The following RYR2 variants were observed in gnomAD, a reference collection of about 807,000 sequenced individuals.
The protein encoded by RYR2 is cardiac muscle ryanodine receptor-calcium release channel.
RYR2 carries 227 observed loss-of-function variants against 601.1 expected under a neutral mutation model. The observed-to-expected ratio is 0.38, with a 90% CI of 0.34 to 0.42. RYR2 has a LOEUF of 0.42. Ranked by LOEUF, RYR2 falls within the 10% of genes least tolerant of loss-of-function variation. The pLI, the probability that RYR2 is intolerant of heterozygous loss-of-function variation, is 1.00. For synonymous variants in RYR2, 2,223 were observed against 2,175.1 expected (o/e 1.02, Z -0.61); for missense variants, 4,646 against 6,156.5 (o/e 0.75, Z 8.21).
At chr1:237,284,474 A>G (rs1691252033) in intron 2 of RYR2, among the ~76,000 whole-genome samples, 1 of 112,720 alleles carries the variant, frequency 8.9e-6, no homozygotes, top group African/African-American at 4.8e-5. Context: ...TCCACTATAT[A>G]TACATATATA....
At chr1:237,413,258 T>A (rs546053550) in intron 10 of RYR2, among the ~76,000 whole-genome samples, 1 of 152,184 alleles carries the variant, frequency 6.6e-6, no homozygotes, top group South Asian at 2.1e-4. Context: ...ATGAAACTTT[T>A]AAAAAAATAT....
chr1:237,053,420 C>G (rs1291091842), intron 1 of RYR2, among the ~76,000 whole-genome samples: 1 of 152,162 alleles, frequency 6.6e-6, no homozygotes, highest in African/African-American at 2.4e-5. Flanking sequence ...CCATCATCTC[C>G]TGAAGATGGG....
intron 14 of RYR2, among the ~76,000 whole-genome samples, chr1:237,449,073 A>G (rs1484423930): frequency 6.6e-6 from 1 of 152,170 alleles, no homozygotes; most frequent in Non-Finnish European, 1.5e-5. Flanking sequence ...ACACGCCACC[A>G]CCATCACCAC....
At chr1:237,730,563 AGG>A (rs1164070361) in intron 77 of RYR2, among the ~76,000 whole-genome samples, 1 of 152,148 alleles carries the variant, frequency 6.6e-6, no homozygotes, top group Non-Finnish European at 1.5e-5. Flanking sequence ...ATCAACATCA[AGG>A]GGTTGAGAAT....
intron 27 of RYR2, among the ~76,000 whole-genome samples, chr1:237,562,781 G>A (rs74147445): frequency 0.029 from 4,387 of 151,926 alleles, 216 homozygotes; most frequent in African/African-American, 0.1. Context: ...GTTTAAAATC[G>A]AGCAAAGCAT....
At chr1:237,216,461 G>C (rs527813738) in intron 1 of RYR2, among the ~76,000 whole-genome samples, 1 of 152,258 alleles carries the variant, frequency 6.6e-6, no homozygotes, top group South Asian at 2.1e-4. Context: ...ATATGGGCTA[G>C]GAGCGGTGGC....
chr1:237,237,489 C>T (rs1040561592), intron 1 of RYR2, among the ~76,000 whole-genome samples: 2 of 152,148 alleles, frequency 1.3e-5, no homozygotes, highest in African/African-American at 4.8e-5. Flanking sequence ...CACTCTCCTC[C>T]CTTTGGAATT....
At chr1:237,524,115 C>A (rs1667349622) in intron 24 of RYR2, among the ~76,000 whole-genome samples, 1 of 152,182 alleles carries the variant, frequency 6.6e-6, no homozygotes, top group Non-Finnish European at 1.5e-5. Flanking sequence ...CGTAAATGTT[C>A]ACAGAAGCAT....
chr1:237,608,796 G>GT (rs33945891), intron 35 of RYR2, among the ~76,000 whole-genome samples: 45,298 of 118,354 alleles, frequency 0.38, 8,994 homozygotes, highest in South Asian at 0.54. Flanking sequence ...AGACTGACCT[G>GT]TTTTTTTTTT....
chr1:237,758,327 G>A (rs1693124589), intron 82 of RYR2, among the ~76,000 whole-genome samples: 1 of 151,974 alleles, frequency 6.6e-6, no homozygotes, highest in Non-Finnish European at 1.5e-5. Flanking sequence ...GAACTTGTCT[G>A]TTTTCTTTAT....
chr1:237,811,165 C>G (rs890993946), intron 100 of RYR2, among the ~76,000 whole-genome samples: 5 of 152,094 alleles, frequency 3.3e-5, no homozygotes, highest in African/African-American at 1.2e-4. Flanking sequence ...TTCAGTTATT[C>G]CCACAATTAG....
At position 237,389,586 on chromosome 1, in the gene RYR2, A is replaced by G. The variant is rs535768306; in HGVS notation, c.773+1403A>G. On this transcript the variant is annotated intron_variant, in intron 10 of 104. Transcript: ENST00000366574. The stretch of plus-strand genomic sequence containing the variant: ...CAGAATGGAGAGGTTTACTTGCATC[A>G]TAGACATTTAGATAAAAGTGATGGG... 5.3e-5 allele frequency among the ~76,000 whole-genome samples: 8 copies of G among 152,328 alleles called. No individual in the cohort carries two copies. In the East Asian group the frequency reaches 1.5e-3, roughly 29 times the overall value.
chr1:237,058,152 A>T (rs527729618), intron 1 of RYR2, among the ~76,000 whole-genome samples: 1 of 152,136 alleles, frequency 6.6e-6, no homozygotes, highest in Non-Finnish European at 1.5e-5. Context: ...TAGGGCTTAT[A>T]TAGGTAATTA....
chr1:237,321,181 C>T (rs2149525615), intron 2 of RYR2, among the ~76,000 whole-genome samples: 1 of 151,940 alleles, frequency 6.6e-6, no homozygotes, highest in Middle Eastern at 3.4e-3. Flanking sequence ...GATAATAATA[C>T]TTATTTCATG....
At chr1:237,709,444 TA>T in intron 69 of RYR2, 35 bp from the exon 70 acceptor site, 1 of 1,294,190 alleles carries the variant, frequency 7.7e-7, no homozygotes, top group East Asian at 2.4e-5. Context: ...CTTTAAGGAG[TA>T]GCTGAGAAAC....
rs561936198 is a variant in RYR2 at position 237,261,736 on chromosome 1, G to A, written c.49-8761G>A. Among the ~76,000 whole-genome samples, 14 of 152,166 alleles carry A rather than the reference G, an allele frequency of 9.2e-5. No homozygotes were observed. In the East Asian group the frequency reaches 9.7e-4, roughly 11 times the overall value. Reference sequence around the variant, plus strand: ...CATGGCGAGACCCTGTCTCCACATCGTCATTTGATCAATTTCTCATTCCTC... The same window carrying A: ...CATGGCGAGACCCTGTCTCCACATCATCATTTGATCAATTTCTCATTCCTC... On this transcript the variant is annotated intron_variant, in intron 1 of 104. Coordinates refer to ENST00000366574, the MANE Select transcript of RYR2 (RefSeq NM_001035.3).
chr1:237,227,746 G>T (rs981001323), intron 1 of RYR2, among the ~76,000 whole-genome samples: 11 of 152,168 alleles, frequency 7.2e-5, no homozygotes, highest in African/African-American at 2.2e-4. Flanking sequence ...GCGGGTTCTT[G>T]CCTGACACCC....
intron 1 of RYR2, among the ~76,000 whole-genome samples, chr1:237,260,990 A>T (rs1212076117): frequency 6.6e-6 from 1 of 152,230 alleles, no homozygotes; most frequent in Non-Finnish European, 1.5e-5. Flanking sequence ...ATTTGGAATT[A>T]TCTCAGCTTA....
rs935242672 is a variant in RYR2 at position 237,266,535 on chromosome 1, G to A, written c.49-3962G>A. Among the ~76,000 whole-genome samples the A allele has an allele frequency of 9.8e-5, 15 of 152,308 alleles. No individual in the cohort carries two copies. The East Asian group carries it at 1.3e-3, about 14-fold the overall frequency. On this transcript the variant is annotated intron_variant, in intron 1 of 104. Transcript: ENST00000366574. ...ACCACAGTGATTCTGGAGAGGAAGT[G>A]TGCTCTGAGATGAATGATGGGGTTA...
Sources: allele counts gnomAD v4.1 joint callset (sites outside exome capture counted in the v4.1 genomes callset), GRCh38; gene constraint gnomAD v4.1.1; transcripts MANE v1.5; gene names NCBI Gene and HGNC (gene_info 2026-07-23, HGNC 2026-07-21).